Variants in MACROD2 observed in about 807,000 individuals in gnomAD.
MACROD2 encodes ADP-ribose glycohydrolase MACROD2.
Under a neutral mutation model 70.4 loss-of-function variants are expected in MACROD2, and 36 were observed. The observed-to-expected ratio is 0.51, with a 90% CI of 0.39 to 0.68. MACROD2 has a LOEUF of 0.68. Among genes scored for constraint, MACROD2 ranks in the 30% least tolerant of loss-of-function variants. The pLI is 0.00. For missense variants in MACROD2, 496 were observed against 538.4 expected (o/e 0.92, Z 0.78); for synonymous variants, 172 against 178.8 (o/e 0.96, Z 0.30).
intron 4 of MACROD2, among the ~76,000 whole-genome samples, chr20:14,527,186 C>T (rs912662074): frequency 2.0e-5 from 3 of 152,304 alleles, no homozygotes; most frequent in East Asian, 3.9e-4. Context: ...TTGTTCTTCT[C>T]GACGTCCAGC....
intron 3 of MACROD2, among the ~76,000 whole-genome samples, chr20:14,199,920 ACTTC>A (rs929591738): frequency 6.1e-4 from 93 of 152,284 alleles, no homozygotes; most frequent in African/African-American, 2.2e-3. Flanking sequence ...TGGTTTACTT[ACTTC>A]CTTCTTATCC....
chr20:14,810,606 A>G (rs1600686770), intron 5 of MACROD2, among the ~76,000 whole-genome samples: 1 of 152,238 alleles, frequency 6.6e-6, no homozygotes, highest in South Asian at 2.1e-4. Context: ...GAGACAAGAG[A>G]AAGAAATGAA....
intron 8 of MACROD2, among the ~76,000 whole-genome samples, chr20:15,506,852 C>T (rs987638743): frequency 1.2e-4 from 19 of 152,314 alleles, no homozygotes; most frequent in South Asian, 2.1e-4. Flanking sequence ...GGAAATGCTC[C>T]GTGCTCTCTC....
chr20:14,723,884 G>C (rs1277418172), intron 5 of MACROD2, among the ~76,000 whole-genome samples: 1 of 151,976 alleles, frequency 6.6e-6, no homozygotes, highest in East Asian at 1.9e-4. Context: ...CATGTGAAAT[G>C]AATTATGTTC....
chr20:14,171,268 GTTAA>G (rs1316350559), intron 3 of MACROD2, among the ~76,000 whole-genome samples: 1 of 151,944 alleles, frequency 6.6e-6, no homozygotes, highest in Non-Finnish European at 1.5e-5. Context: ...TATTAAGTTT[GTTAA>G]TTAATTTTCG....
At chr20:15,007,766 CGTCT>C (rs1568528123) in intron 5 of MACROD2, among the ~76,000 whole-genome samples, 1 of 152,188 alleles carries the variant, frequency 6.6e-6, no homozygotes, top group Admixed American at 6.5e-5. Flanking sequence ...AATCAGGGGG[CGTCT>C]ACCTCCAACA....
intron 10 of MACROD2, among the ~76,000 whole-genome samples, chr20:15,916,118 CAT>C (rs897991060): frequency 8.5e-5 from 13 of 152,292 alleles, no homozygotes; most frequent in African/African-American, 3.1e-4. Flanking sequence ...ATCTGTGTAA[CAT>C]ATTTGTGGAG....
At chr20:14,839,785 T>A (rs1437456133) in intron 5 of MACROD2, among the ~76,000 whole-genome samples, 2 of 152,122 alleles carry the variant, frequency 1.3e-5, no homozygotes, top group Admixed American at 6.5e-5. Context: ...CCAACACTGC[T>A]GAATTCCGAT....
At chr20:14,180,715 TTA>T (rs2081298664) in intron 3 of MACROD2, among the ~76,000 whole-genome samples, 1 of 152,080 alleles carries the variant, frequency 6.6e-6, no homozygotes, top group African/African-American at 2.4e-5. Context: ...AATCATTGAT[TTA>T]TATATGAGTG....
chr20:15,210,636 G>A (rs752432531), intron 5 of MACROD2, among the ~76,000 whole-genome samples: 3 of 135,106 alleles, frequency 2.2e-5, no homozygotes, highest in African/African-American at 5.6e-5. Flanking sequence ...ATATCGAATT[G>A]TAATCCCCAG....
At chr20:14,337,489 C>T (rs1246367446) in intron 3 of MACROD2, 2 of 398,184 alleles carry the variant, frequency 5.0e-6, no homozygotes, top group East Asian at 3.6e-5. Flanking sequence ...TAGCCCTCCC[C>T]CGTCTCCCAA....
At chr20:14,396,410 C>T (rs1290381050) in intron 3 of MACROD2, among the ~76,000 whole-genome samples, 1 of 152,144 alleles carries the variant, frequency 6.6e-6, no homozygotes, top group East Asian at 1.9e-4. Context: ...GCATAAAAGT[C>T]TAGGATAATT....
chr20:14,457,572 C>T (rs2084318220), intron 3 of MACROD2, among the ~76,000 whole-genome samples: 5 of 152,044 alleles, frequency 3.3e-5, no homozygotes, highest in Admixed American at 3.3e-4. Context: ...GTACACACTC[C>T]CCCCGTACAC....
At chr20:14,391,612 A>C (rs2083527323) in intron 3 of MACROD2, among the ~76,000 whole-genome samples, 1 of 151,824 alleles carries the variant, frequency 6.6e-6, no homozygotes, top group Non-Finnish European at 1.5e-5. Context: ...TGTATCCCTG[A>C]CTTAAAATAA....
At position 14,431,190 on chromosome 20, in the gene MACROD2, A is replaced by C. The variant is rs910019406; in HGVS notation, c.272-62289A>C. On this transcript the variant is annotated intron_variant, in intron 3 of 17. Transcript: ENST00000684519. ...TAAAAATAAATACATAAATTTAATA[A>C]TAGCAATTAACATTTGAGTGATAAT... is the stretch of plus-strand genomic sequence containing the variant. Among the ~76,000 whole-genome samples, 12 of 152,290 alleles carry C rather than the reference A, an allele frequency of 7.9e-5. No homozygotes were observed. In the East Asian group the frequency reaches 2.3e-3, roughly 29 times the overall value.
chr20:15,320,383 A>G (rs1185597409), intron 6 of MACROD2, among the ~76,000 whole-genome samples: 2 of 152,194 alleles, frequency 1.3e-5, no homozygotes, highest in South Asian at 2.1e-4. Context: ...TGAATCCTTC[A>G]CTCAAAATGG....
intron 8 of MACROD2, among the ~76,000 whole-genome samples, chr20:15,790,354 C>A (rs150045200): frequency 1.3e-5 from 2 of 151,678 alleles, no homozygotes; most frequent in Non-Finnish European, 3.0e-5. Flanking sequence ...CTACTATCCC[C>A]GCCATTAAAA....
chr20:16,037,332 CT>C (rs1204606020), intron 15 of MACROD2, among the ~76,000 whole-genome samples: 5 of 151,926 alleles, frequency 3.3e-5, no homozygotes. Flanking sequence ...AGAAAGTTCT[CT>C]GTGATACCAG....
At chr20:15,478,552 T>A in intron 7 of MACROD2, among the ~76,000 whole-genome samples, 1 of 50,054 alleles carries the variant, frequency 2.0e-5, no homozygotes, top group Non-Finnish European at 3.5e-5. Context: ...TGTGTGTGTG[T>A]CTGTGTGTGT....
Sources: gnomAD v4.1 joint callset for allele counts (sites outside exome capture counted in the v4.1 genomes callset) on GRCh38, gnomAD v4.1.1 for gene constraint, MANE v1.5 for transcripts, NCBI Gene and HGNC (gene_info 2026-07-23, HGNC 2026-07-21) for gene names.